CADM2: variants seen among roughly 807,000 people sequenced by gnomAD.
CADM2 encodes cell adhesion molecule 2.
Under a neutral mutation model 49.8 loss-of-function variants are expected in CADM2, and 12 were observed. That is an observed-to-expected ratio of 0.24 (90% CI 0.15 to 0.39). The LOEUF is 0.39. Ranked by LOEUF, CADM2 falls within the 10% of genes least tolerant of loss-of-function variation. The probability of loss-of-function intolerance (pLI) is 1.00; values close to 1 mark genes in which losing one functional copy is unlikely to be tolerated. For synonymous variants in CADM2, 214 were observed against 175.4 expected (o/e 1.22, Z -1.74); for missense variants, 378 against 492.3 (o/e 0.77, Z 2.20).
At chr3:85,829,198 T>C (rs1009193099) in intron 3 of CADM2, among the ~76,000 whole-genome samples, 18 of 151,914 alleles carry the variant, frequency 1.2e-4, no homozygotes, top group African/African-American at 3.9e-4. Context: ...TCAGGTTTCT[T>C]TAATAGTAGC....
At chr3:86,025,876 A>G (rs547655834) in intron 8 of CADM2, among the ~76,000 whole-genome samples, 4 of 152,318 alleles carry the variant, frequency 2.6e-5, no homozygotes, top group Non-Finnish European at 5.9e-5. Flanking sequence ...GGCTAATAAT[A>G]GAAGGAAGAG....
chr3:84,979,077 AG>A (rs80309450), intron 1 of CADM2, among the ~76,000 whole-genome samples: 7,528 of 152,256 alleles, frequency 0.049, 221 homozygotes, highest in East Asian at 0.099. Context: ...ATCATCTCCA[AG>A]GTCCCTTTTC....
At chr3:85,340,724 C>A (rs2045217217) in intron 1 of CADM2, among the ~76,000 whole-genome samples, 1 of 151,480 alleles carries the variant, frequency 6.6e-6, no homozygotes, top group African/African-American at 2.4e-5. Context: ...GAATTGCTGG[C>A]AGCATTGGAA....
At chr3:85,627,210 A>G (rs2064153621) in intron 1 of CADM2, among the ~76,000 whole-genome samples, 1 of 151,996 alleles carries the variant, frequency 6.6e-6, no homozygotes, top group Admixed American at 6.6e-5. Context: ...CTTTTACTGA[A>G]TACAATTCAG....
intron 1 of CADM2, among the ~76,000 whole-genome samples, chr3:85,608,028 A>AT (rs1362463734): frequency 6.6e-6 from 1 of 152,138 alleles, no homozygotes; most frequent in African/African-American, 2.4e-5. Context: ...TCGTAATTAG[A>AT]TTAATAGTAA....
chr3:85,052,822 T>C (rs1453726474), intron 1 of CADM2, among the ~76,000 whole-genome samples: 1 of 152,218 alleles, frequency 6.6e-6, no homozygotes, highest in African/African-American at 2.4e-5. Flanking sequence ...ATGTCTTTTA[T>C]ATTACAAAAA....
chr3:85,265,207 T>C (rs922954396), intron 1 of CADM2, among the ~76,000 whole-genome samples: 4 of 152,044 alleles, frequency 2.6e-5, no homozygotes, highest in Admixed American at 1.3e-4. Context: ...ATCTGTTGCT[T>C]TATTTCAAAA....
intron 1 of CADM2, among the ~76,000 whole-genome samples, chr3:85,505,088 C>G (rs530835888): frequency 6.6e-6 from 1 of 152,126 alleles, no homozygotes; most frequent in Non-Finnish European, 1.5e-5. Context: ...CTGAGGGAGC[C>G]GGCTCCGGCC....
Position 85,506,095 on chromosome 3 carries a change from G to A in CADM2, c.62-220427G>A, listed in dbSNP as rs1171798029. 4.6e-5 allele frequency among the ~76,000 whole-genome samples: 7 copies of A among 152,292 alleles called. 1 individual carries two copies. Among genetic ancestry groups the A allele is most frequent in the Non-Finnish European group, 8.8e-5 (6 of 68,020 alleles). On this transcript the variant is annotated intron_variant, in intron 1 of 9. Transcript: ENST00000383699. Reference sequence around the variant, plus strand: ...CAATTTCTACTATCAGCACCAGGGTGTACAGAGGAGTAAACTATTTCCCCT... The same window carrying A: ...CAATTTCTACTATCAGCACCAGGGTATACAGAGGAGTAAACTATTTCCCCT...
At chr3:86,004,862 C>A (rs1457052686) in intron 8 of CADM2, among the ~76,000 whole-genome samples, 1 of 152,176 alleles carries the variant, frequency 6.6e-6, no homozygotes, top group Non-Finnish European at 1.5e-5. Context: ...CATTCTGTGC[C>A]ACACAGGAAT....
At chr3:85,575,523 C>T (rs1048841406) in intron 1 of CADM2, among the ~76,000 whole-genome samples, 2 of 151,994 alleles carry the variant, frequency 1.3e-5, no homozygotes, top group African/African-American at 2.4e-5. Context: ...TGCACTCCAG[C>T]CTGGGCGACA....
At chr3:85,045,306 G>C (rs139267926) in intron 1 of CADM2, among the ~76,000 whole-genome samples, 352 of 152,178 alleles carry the variant, frequency 2.3e-3, no homozygotes, top group African/African-American at 8.2e-3. Flanking sequence ...TTATGTATGA[G>C]TTACATAAAA....
At chr3:85,527,820 G>A (rs574981268) in intron 1 of CADM2, among the ~76,000 whole-genome samples, 1 of 152,250 alleles carries the variant, frequency 6.6e-6, no homozygotes, top group Non-Finnish European at 1.5e-5. Flanking sequence ...AAAATGCTTT[G>A]CATTAACAAT....
At chr3:85,294,978 G>C (rs1382451878) in intron 1 of CADM2, among the ~76,000 whole-genome samples, 2 of 152,030 alleles carry the variant, frequency 1.3e-5, no homozygotes, top group African/African-American at 2.4e-5. Flanking sequence ...CACAGCAAAA[G>C]AAACTACCAT....
chr3:85,863,222 T>G (rs940338753), intron 3 of CADM2, among the ~76,000 whole-genome samples: 28 of 152,074 alleles, frequency 1.8e-4, no homozygotes, highest in Non-Finnish European at 8.8e-5. Context: ...TCACATGTGG[T>G]CTTTGTAAGT....
intron 1 of CADM2, among the ~76,000 whole-genome samples, chr3:85,158,991 AG>A (rs2040231085): frequency 6.6e-6 from 1 of 152,252 alleles, no homozygotes; most frequent in Admixed American, 6.5e-5. Flanking sequence ...ATGCTGAGAA[AG>A]TTCCGTTTAC....
At chr3:85,911,306 T>C (rs1717554027) in intron 5 of CADM2, among the ~76,000 whole-genome samples, 1 of 152,144 alleles carries the variant, frequency 6.6e-6, no homozygotes. Flanking sequence ...AAATTACAAA[T>C]TAAGCAAAAA....
chr3:85,636,376 G>A (rs576232360), intron 1 of CADM2, among the ~76,000 whole-genome samples: 1 of 152,056 alleles, frequency 6.6e-6, no homozygotes, highest in Admixed American at 6.5e-5. Context: ...ATTGAAAAAA[G>A]CTTATAAAAT....
At chr3:85,767,635 A>G (rs1243147563) in intron 2 of CADM2, among the ~76,000 whole-genome samples, 2 of 152,112 alleles carry the variant, frequency 1.3e-5, no homozygotes, top group Non-Finnish European at 2.9e-5. Flanking sequence ...GCCACCTCCA[A>G]CCACGACCTT....
Sources: allele counts gnomAD v4.1 joint callset (sites outside exome capture counted in the v4.1 genomes callset), GRCh38; gene constraint gnomAD v4.1.1; transcripts MANE v1.5; gene names NCBI Gene and HGNC (gene_info 2026-07-23, HGNC 2026-07-21).